Variants in CSNK1D observed in about 807,000 individuals in gnomAD.
CSNK1D encodes the protein casein kinase 1 delta, also known as casein kinase I isoform delta.
CSNK1D carries 16 observed loss-of-function variants against 46.6 expected under a neutral mutation model. That is an observed-to-expected ratio of 0.34 (90% CI 0.23 to 0.52). CSNK1D has a LOEUF of 0.52. Among genes scored for constraint, CSNK1D ranks in the 20% least tolerant of loss-of-function variants. The pLI is 0.95. For synonymous variants in CSNK1D, 276 were observed against 228.2 expected (o/e 1.21, Z -1.89); for missense variants, 398 against 578.4 (o/e 0.69, Z 3.20).
At chr17:82,258,349 T>TTA (rs1568572476) in intron 2 of CSNK1D, among the ~76,000 whole-genome samples, 1 of 150,814 alleles carries the variant, frequency 6.6e-6, no homozygotes, top group Non-Finnish European at 1.5e-5. Flanking sequence ...TATATATATA[T>TTA]TATATATATG....
At chr17:82,253,353 ACAG>A in intron 3 of CSNK1D, 109 bp from the exon 4 acceptor site, 1 of 917,804 alleles carries the variant, frequency 1.1e-6, no homozygotes, top group South Asian at 1.3e-5. Context: ...CCCCTCAGCC[ACAG>A]CAGGGTAGTT....
intron 1 of CSNK1D, chr17:82,267,086 A>C (rs1174012377): frequency 6.7e-6 from 1 of 148,282 alleles, no homozygotes; most frequent in Admixed American, 6.8e-5. Context: ...AAAAAAGGAC[A>C]CTGGATCCTT....
intron 2 of CSNK1D, among the ~76,000 whole-genome samples, chr17:82,263,547 C>T (rs1279849892): frequency 2.0e-5 from 3 of 152,206 alleles, no homozygotes; most frequent in African/African-American, 7.2e-5. Context: ...CGCACCACTA[C>T]AAATGGCACT....
In CSNK1D at chr17:82,273,273, TTCGGGCG is replaced by T; in HGVS notation, c.76+26_76+32del. 1 of 1,571,362 alleles carries T rather than the reference TTCGGGCG, an allele frequency of 6.4e-7. No homozygotes were observed. Among genetic ancestry groups the T allele is most frequent in the Non-Finnish European group, 8.6e-7 (1 of 1,168,222 alleles). On this transcript the variant is annotated intron_variant, in intron 1 of 8. Transcript: ENST00000314028. This position sits in a 1 kb window ranked among gnomAD's most constrained non-coding sequence, Gnocchi z 5.1. ...TCTTGGCAGCCGCAGGGCCCGGGTCTTCGGGCGGCGGGCGGGGGCGGCGGGGCCTCAC... is the reference window on the plus strand; with the variant it reads ...TCTTGGCAGCCGCAGGGCCCGGGTCTGCGGGCGGGGGCGGCGGGGCCTCAC...
chr17:82,253,009 G>C lies in CSNK1D; in HGVS notation c.565+7C>G. 1 of 1,613,328 alleles carries C rather than the reference G, an allele frequency of 6.2e-7. No individual in the cohort carries two copies. ...CCAGGTCAGTGACCCCATGCCCAGG[G>C]GCTCACCAATTCCAAGGTGCGTGTT... On this transcript the variant is annotated splice_region_variant and intron_variant, in intron 4 of 8. Transcript: ENST00000314028.
chr17:82,251,048 A>C lies in CSNK1D; in HGVS notation c.885+331T>G. 58 of 368,980 alleles carry C rather than the reference A, an allele frequency of 1.6e-4. No homozygotes were observed. Among genetic ancestry groups the C allele is most frequent in the East Asian group, 5.4e-4 (8 of 14,736 alleles). The allele number at this position is 368,980 out of a possible 1,614,324, so 22.9% of individuals were successfully genotyped here. A position where few individuals can be genotyped will look rare whatever the true frequency, so the allele number is the denominator to read the frequency against. ...CGACCATGTGGCACAGCGAATGGGA[A>C]TGCGCACCCCCAGCCCCCACCCTCT... On this transcript the variant is annotated intron_variant, in intron 6 of 8. Transcript: ENST00000314028. The surrounding 1 kb of genome is among the most constrained non-coding windows in gnomAD (Gnocchi z 4.5).
At chr17:82,239,700 C>T, downstream of CSNK1D, 6 of 356,336 alleles carry the variant, frequency 1.7e-5, no homozygotes, top group Non-Finnish European at 3.0e-5. Context: ...GCCAGGGAGC[C>T]CCTACGTGGT....
At chr17:82,261,984 G>A (rs1167643852) in intron 2 of CSNK1D, among the ~76,000 whole-genome samples, 1 of 152,196 alleles carries the variant, frequency 6.6e-6, no homozygotes, top group African/African-American at 2.4e-5. Context: ...GGTTCCCCAA[G>A]GAGGGAGTGA....
Position 82,250,077 on chromosome 17 carries a change from T to G in CSNK1D, c.886-475A>C. ...CCGGACCCTGCAGCCTCCAACAGCC[T>G]GTGCAGGTGTGGTGGCGTGGCCAGC... On this transcript the variant is annotated intron_variant, in intron 6 of 8. Transcript: ENST00000314028. The surrounding 1 kb of genome is among the most constrained non-coding windows in gnomAD (Gnocchi z 4.6). 3.1e-6 allele frequency: 4 copies of G among 1,287,522 alleles called. No individual in the cohort carries two copies. The highest frequency in any genetic ancestry group is 4.0e-6 in the Non-Finnish European group (4 of 987,684). 79.8% of individuals were successfully genotyped at this position (1,287,522 alleles called of 1,614,324 possible).
At chr17:82,245,871 C>T (rs993498629) in intron 8 of CSNK1D, 9 of 1,165,032 alleles carry the variant, frequency 7.7e-6, no homozygotes, top group African/African-American at 6.1e-5. Context: ...CTACCTCCAG[C>T]ACCTGGCATG....
intron 3 of CSNK1D, 39 bp from the exon 4 acceptor site, chr17:82,253,283 C>T (rs1445549273): frequency 6.5e-7 from 1 of 1,548,932 alleles, no homozygotes; most frequent in South Asian, 1.1e-5. Flanking sequence ...CACCCCAGGG[C>T]AGTCTCAGGG....
intron 3 of CSNK1D, chr17:82,253,642 TG>T: frequency 2.8e-6 from 1 of 354,348 alleles, no homozygotes. Context: ...ACCCACTGAA[TG>T]GAAACGTGCT....
chr17:82,247,835 G>C, intron 8 of CSNK1D: 1 of 985,410 alleles, frequency 1.0e-6, no homozygotes. Flanking sequence ...GTCTCTTTGG[G>C]AAGAAGTTAT....
In CSNK1D at chr17:82,253,194, C is replaced by T. The variant is rs2051057490; in HGVS notation, c.387G>A (p.Val129=). ...IHSKNFIHRD[V]KPDNFLMGLG... ...GGCCCATGAGGAAGTTGTCTGGCTT[C>T]ACATCCCGGTGGATGAAGTTCTTTG... is the stretch of plus-strand genomic sequence containing the variant. The change falls in exon 4 of 9, where the codon GTG becomes GTA. Residue 129 remains valine, a synonymous_variant. Coordinates refer to ENST00000314028, the MANE Select transcript of CSNK1D (RefSeq NM_001893.6). 2 of 1,614,186 alleles carry T rather than the reference C, an allele frequency of 1.2e-6. No homozygotes were observed. The highest frequency in any genetic ancestry group is 1.3e-5 in the African/African-American group (1 of 75,038).
chr17:82,249,000 G>C lies in CSNK1D; in HGVS notation c.1072C>G (p.Arg358Gly), dbSNP rs761582856. The change falls in exon 8 of 9, where the codon CGG becomes GGG. Residue 358 changes from arginine to glycine, a missense_variant. By Grantham distance (125) the Arg-to-Gly change is moderately radical. Around this residue, in one of 2 missense-constraint regions of CSNK1D, gnomAD observed 181 missense variants for 208.0 expected, o/e 0.87. Transcript: ENST00000314028. The surrounding 1 kb of genome is among the most constrained non-coding windows in gnomAD (Gnocchi z 4.1). ...PTSHTANTSP[R>G]PVSGMERERK... ...TCTCTCTCCATGCCGGAGACGGGCC[G>C]GGGGGAGGTGTTAGCTGAGGACAGG... 5 of 1,561,482 alleles carry C rather than the reference G, an allele frequency of 3.2e-6. No individual in the cohort carries two copies. Among genetic ancestry groups the C allele is most frequent in the East Asian group, 2.4e-5 (1 of 41,732 alleles).
intron 2 of CSNK1D, chr17:82,260,765 CTG>C (rs2051318789): frequency 6.7e-6 from 1 of 148,224 alleles, no homozygotes; most frequent in African/African-American, 2.7e-5. Context: ...GGTATACTGA[CTG>C]ATGTGACTGA....
In CSNK1D at chr17:82,243,261, G is replaced by A; in HGVS notation, c.*1520C>T. 1 of 985,544 alleles carries A rather than the reference G, an allele frequency of 1.0e-6. No homozygotes were observed. The highest frequency in any genetic ancestry group is 1.2e-6 in the Non-Finnish European group (1 of 829,992). The allele number at this position is 985,544 out of a possible 1,614,324, so 61.0% of individuals were successfully genotyped here. On this transcript the variant is annotated 3_prime_UTR_variant, in exon 9 of 9. Transcript: ENST00000314028. ...ATCCGGGGAACTCTGGGGAGGAGAA[G>A]GGAGAACCAAGGTGCACACCTTCGA...
chr17:82,240,564 C>A (rs1024953350), downstream of CSNK1D, among the ~76,000 whole-genome samples: 8 of 152,184 alleles, frequency 5.3e-5, no homozygotes, highest in African/African-American at 1.9e-4. Context: ...AACCCTGTTT[C>A]CAGGTATCTC....
intron 2 of CSNK1D, among the ~76,000 whole-genome samples, chr17:82,258,830 C>A (rs542768320): frequency 2.0e-5 from 3 of 152,228 alleles, no homozygotes; most frequent in Non-Finnish European, 4.4e-5. Context: ...GCCCGGTGTG[C>A]TCAGTGTTCT....
Sources: allele counts gnomAD v4.1 joint callset (sites outside exome capture counted in the v4.1 genomes callset), GRCh38; gene constraint gnomAD v4.1.1; regional missense constraint gnomAD v4.1.1; non-coding constraint Gnocchi (gnomAD v3.1); transcripts MANE v1.5; gene names NCBI Gene and HGNC (gene_info 2026-07-23, HGNC 2026-07-21).